Variants in ADAMTS2 observed in about 807,000 individuals in gnomAD.
ADAMTS2 encodes A disintegrin and metalloproteinase with thrombospondin motifs 2.
Under a neutral mutation model 123.0 loss-of-function variants are expected in ADAMTS2, and 50 were observed. The ratio of observed to expected loss-of-function variants is 0.41; its 90% CI spans 0.32 to 0.51. The LOEUF (loss-of-function observed/expected upper bound fraction) is 0.51, where lower values mean the gene tolerates loss of function less well. ADAMTS2 is among the 20% of genes least tolerant of loss of function. The pLI, the probability that ADAMTS2 is intolerant of heterozygous loss-of-function variation, is 0.35. For missense variants in ADAMTS2, 1,494 were observed against 1,705.2 expected (o/e 0.88, Z 2.18); for synonymous variants, 678 against 695.4 (o/e 0.98, Z 0.39).
intron 3 of ADAMTS2, among the ~76,000 whole-genome samples, chr5:179,253,165 T>G (rs1765965903): frequency 1.3e-5 from 2 of 152,192 alleles, no homozygotes; most frequent in South Asian, 4.1e-4. Context: ...CAGCCAGATT[T>G]TGAATTTGGG....
chr5:179,254,934 C>T (rs1226499251), intron 3 of ADAMTS2, among the ~76,000 whole-genome samples: 1 of 152,154 alleles, frequency 6.6e-6, no homozygotes, highest in Non-Finnish European at 1.5e-5. Flanking sequence ...CTTGCAGACA[C>T]TGACTGGATG....
At chr5:179,335,891 C>T (rs56413521) in intron 2 of ADAMTS2, among the ~76,000 whole-genome samples, 2,454 of 152,350 alleles carry the variant, frequency 0.016, 22 homozygotes, top group Non-Finnish European at 0.027. Flanking sequence ...CACTCACCCT[C>T]CCAGCACCTC....
intron 8 of ADAMTS2, 145 bp downstream of exon 8, chr5:179,153,904 G>C: frequency 8.2e-7 from 1 of 1,219,448 alleles, no homozygotes; most frequent in Non-Finnish European, 1.1e-6. Flanking sequence ...TTCTCTCACA[G>C]GTGTGCCCTC....
At position 179,130,649 on chromosome 5, in the gene ADAMTS2, A is replaced by G. The variant is rs1762943375; in HGVS notation, c.2291-551T>C. ...GGCCTGGCCTGATTGGGTGACACTC[A>G]GGTCATCTAGGAGCAGAGGACCTGG... On this transcript the variant is annotated intron_variant, in intron 15 of 21. Coordinates refer to ENST00000251582, the MANE Select transcript of ADAMTS2 (RefSeq NM_014244.5). This position sits in a 1 kb window ranked among gnomAD's most constrained non-coding sequence, Gnocchi z 4.3. Among the ~76,000 whole-genome samples the G allele has an allele frequency of 1.3e-5, 2 of 152,162 alleles. No homozygotes were observed.
intron 3 of ADAMTS2, among the ~76,000 whole-genome samples, chr5:179,267,134 C>T (rs1165379879): frequency 6.6e-6 from 1 of 152,166 alleles, no homozygotes; most frequent in Non-Finnish European, 1.5e-5. Context: ...CCGCCGCCCA[C>T]TCTTCCCCCA....
chr5:179,121,834 G>A (rs1303133184), intron 20 of ADAMTS2, 84 bp from the exon 21 acceptor site: 1 of 960,042 alleles, frequency 1.0e-6, no homozygotes, highest in Non-Finnish European at 1.5e-6. Context: ...GGTCTCCCGG[G>A]GTCCTGGGGA....
rs1204277127 is a variant in ADAMTS2 at position 179,128,459 on chromosome 5, C to T, written c.2458-341G>A. Among the ~76,000 whole-genome samples the T allele has an allele frequency of 6.6e-6, 1 of 152,200 alleles. No individual in the cohort carries two copies. The highest frequency in any genetic ancestry group is 6.5e-5 in the Admixed American group (1 of 15,290). Reference sequence around the variant, plus strand: ...CCAGGCTGGAGTGTAGTGGCACGATCTCGGCTCACTGCAACCTCCGCCTCC... The same window carrying T: ...CCAGGCTGGAGTGTAGTGGCACGATTTCGGCTCACTGCAACCTCCGCCTCC... On this transcript the variant is annotated intron_variant, in intron 16 of 21. Coordinates refer to ENST00000251582, the MANE Select transcript of ADAMTS2 (RefSeq NM_014244.5). This position sits in a 1 kb window ranked among gnomAD's most constrained non-coding sequence, Gnocchi z 4.9.
chr5:179,169,451 T>C (rs898602975), intron 5 of ADAMTS2, among the ~76,000 whole-genome samples: 7 of 152,208 alleles, frequency 4.6e-5, no homozygotes, highest in African/African-American at 1.4e-4. Flanking sequence ...TGTCCAGCCT[T>C]AGTGCCTCCT....
rs768567683 is a variant in ADAMTS2 at position 179,225,797 on chromosome 5, C to T, written c.689-18082G>A. 5.9e-5 allele frequency among the ~76,000 whole-genome samples: 9 copies of T among 152,278 alleles called. No homozygotes were observed. Among genetic ancestry groups the T allele is most frequent in the Non-Finnish European group, 8.8e-5 (6 of 68,020 alleles). ...GAGCTACTTCCACTCAATAAAACCT[C>T]GCACTCATTCTCCAAGCCCACGTGT... On this transcript the variant is annotated intron_variant, in intron 3 of 21. Transcript: ENST00000251582. The surrounding 1 kb of genome is among the most constrained non-coding windows in gnomAD (Gnocchi z 4.5).
rs572291210 is a variant in ADAMTS2, at chr5:179,303,399, C to A, written c.535-30335G>T. Among the ~76,000 whole-genome samples, 2 of 152,098 alleles carry A rather than the reference C, an allele frequency of 1.3e-5. No homozygotes were observed. On this transcript the variant is annotated intron_variant, in intron 2 of 21. Coordinates refer to ENST00000251582, the MANE Select transcript of ADAMTS2 (RefSeq NM_014244.5). This position sits in a 1 kb window ranked among gnomAD's most constrained non-coding sequence, Gnocchi z 4.7. ...GATTCATGAGCAGCTAGCTGAGGAC[C>A]CTGCAAAATAAATAACAGCATGCAG...
At chr5:179,300,297 G>A (rs1756480481) in intron 2 of ADAMTS2, among the ~76,000 whole-genome samples, 2 of 152,130 alleles carry the variant, frequency 1.3e-5, no homozygotes, top group South Asian at 4.1e-4. Flanking sequence ...GTCTCTCACA[G>A]AGACTATCTC....
chr5:179,291,498 A>C (rs560757619), intron 2 of ADAMTS2, among the ~76,000 whole-genome samples: 22 of 152,228 alleles, frequency 1.4e-4, no homozygotes, highest in Non-Finnish European at 2.6e-4. Flanking sequence ...GCCGTGCTGG[A>C]CATCATGCTC....
Position 179,239,647 on chromosome 5 carries a change from C to T in ADAMTS2, c.689-31932G>A, listed in dbSNP as rs572275107. Among the ~76,000 whole-genome samples, 58 of 151,962 alleles carry T rather than the reference C, an allele frequency of 3.8e-4. 2 individuals carry two copies. The highest frequency in any genetic ancestry group is 6.8e-3 in the Middle Eastern group (2 of 294). ...GCAGGAGAGAGATCTGGGCTGGAGA[C>T]GCAAATCTGGGAGCCATTTCATGGT... On this transcript the variant is annotated intron_variant, in intron 3 of 21. Coordinates refer to ENST00000251582, the MANE Select transcript of ADAMTS2 (RefSeq NM_014244.5).
At chr5:179,186,488 C>A (rs1056096487) in intron 4 of ADAMTS2, among the ~76,000 whole-genome samples, 4 of 152,170 alleles carry the variant, frequency 2.6e-5, no homozygotes, top group Non-Finnish European at 5.9e-5. Context: ...CCCCGTCCTG[C>A]CCCCTCTACC....
intron 3 of ADAMTS2, among the ~76,000 whole-genome samples, chr5:179,218,742 G>A (rs554761926): frequency 2.6e-5 from 4 of 152,284 alleles, no homozygotes; most frequent in African/African-American, 9.6e-5. Context: ...AAACTCCCAC[G>A]GGATGGGCTG....
At chr5:179,274,376 G>A (rs1205423535) in intron 2 of ADAMTS2, among the ~76,000 whole-genome samples, 1 of 152,162 alleles carries the variant, frequency 6.6e-6, no homozygotes, top group Non-Finnish European at 1.5e-5. Context: ...TCACATAAAC[G>A]ACCAGATTTC....
At chr5:179,222,017 ACC>A (rs553822955) in intron 3 of ADAMTS2, among the ~76,000 whole-genome samples, 86 of 152,092 alleles carry the variant, frequency 5.7e-4, no homozygotes, top group African/African-American at 2.0e-3. Context: ...CAGAGACAGC[ACC>A]GAGAGGCCCC....
chr5:179,341,930 T>C (rs1182372819), intron 2 of ADAMTS2, among the ~76,000 whole-genome samples: 4 of 152,172 alleles, frequency 2.6e-5, no homozygotes, highest in Non-Finnish European at 5.9e-5. Context: ...CTCCTCCCTC[T>C]GCCCGGGTTG....
Position 179,175,358 on chromosome 5 carries a change from A to G in ADAMTS2, c.975+5714T>C, listed in dbSNP as rs1763908939. Among the ~76,000 whole-genome samples, 2 of 152,264 alleles carry G rather than the reference A, an allele frequency of 1.3e-5. No individual in the cohort carries two copies. Among genetic ancestry groups the G allele is most frequent in the African/African-American group, 4.8e-5 (2 of 41,470 alleles). ...CCTAGATGGTGCTTAGAATCACTTC[A>G]TAACATTTCCAACTATGAATCTGGG... On this transcript the variant is annotated intron_variant, in intron 5 of 21. Transcript: ENST00000251582. The surrounding 1 kb of genome is among the most constrained non-coding windows in gnomAD (Gnocchi z 4.1).
Sources: gnomAD v4.1 joint callset for allele counts (sites outside exome capture counted in the v4.1 genomes callset) on GRCh38, gnomAD v4.1.1 for gene constraint, Gnocchi (gnomAD v3.1) non-coding constraint, MANE v1.5 for transcripts, NCBI Gene and HGNC (gene_info 2026-07-23, HGNC 2026-07-21) for gene names.